TMEM116: variants seen among roughly 807,000 people sequenced by gnomAD.
TMEM116 encodes the protein transmembrane protein 116.
TMEM116 carries 38 observed loss-of-function variants against 44.3 expected under a neutral mutation model. The ratio of observed to expected loss-of-function variants is 0.86; its 90% CI spans 0.66 to 1.12. The LOEUF is 1.12. Among genes scored for constraint, TMEM116 ranks in the 50% most tolerant of loss-of-function variants. The pLI, the probability that TMEM116 is intolerant of heterozygous loss-of-function variation, is 0.00. For synonymous variants in TMEM116, 132 were observed against 144.8 expected, an observed-to-expected ratio of 0.91 and a Z score of 0.64; for missense variants, 354 against 401.7, an observed-to-expected ratio of 0.88 and a Z score of 1.01.
chr12:111,983,007 T>C (rs1193123360), intron 4 of TMEM116, among the ~76,000 whole-genome samples: 1 of 152,160 alleles, frequency 6.6e-6, no homozygotes, highest in Non-Finnish European at 1.5e-5. Context: ...TAGTTTAGGC[T>C]GGGCACAGTG....
chr12:111,964,412 A>C (rs1023798878), intron 4 of TMEM116, among the ~76,000 whole-genome samples: 4 of 151,450 alleles, frequency 2.6e-5, no homozygotes, highest in Non-Finnish European at 5.9e-5. Context: ...AATGCACTCC[A>C]GCCTGGCAAC....
chr12:111,938,588 C>T (rs2072379420), intron 5 of TMEM116, among the ~76,000 whole-genome samples: 2 of 152,146 alleles, frequency 1.3e-5, no homozygotes, highest in South Asian at 4.1e-4. Flanking sequence ...CTCTTAGACC[C>T]AGAGATGTGT....
At chr12:111,974,241 G>A (rs2075527702) in intron 4 of TMEM116, among the ~76,000 whole-genome samples, 2 of 152,056 alleles carry the variant, frequency 1.3e-5, no homozygotes, top group South Asian at 2.1e-4. Flanking sequence ...TAAGGTGAAA[G>A]ATGGAATGCT....
chr12:112,002,010 C>T (rs940868614), intron 3 of TMEM116, among the ~76,000 whole-genome samples: 1 of 152,146 alleles, frequency 6.6e-6, no homozygotes, highest in African/African-American at 2.4e-5. Context: ...GATTCAGTTT[C>T]CTTGTCTGCA....
intron 4 of TMEM116, among the ~76,000 whole-genome samples, chr12:111,986,788 A>G (rs1267447900): frequency 6.6e-6 from 1 of 151,918 alleles, no homozygotes; most frequent in Admixed American, 6.6e-5. Flanking sequence ...CAGCCTGGGT[A>G]ACAGAGCAAG....
At chr12:111,967,548 G>T (rs934097708) in intron 4 of TMEM116, among the ~76,000 whole-genome samples, 1 of 151,654 alleles carries the variant, frequency 6.6e-6, no homozygotes, top group Admixed American at 6.6e-5. Context: ...TGATCTCTGA[G>T]GCCTCCCAAT....
chr12:111,949,493 GAA>G (rs1473504062), intron 4 of TMEM116, among the ~76,000 whole-genome samples: 1 of 152,146 alleles, frequency 6.6e-6, no homozygotes, highest in African/African-American at 2.4e-5. Flanking sequence ...TTTTAAATCT[GAA>G]ATTACAGTGT....
At chr12:111,932,387 GAGGT>G (rs1323048612) in intron 10 of TMEM116, among the ~76,000 whole-genome samples, 195 bp downstream of exon 10, 2 of 152,194 alleles carry the variant, frequency 1.3e-5, no homozygotes, top group Non-Finnish European at 2.9e-5. Flanking sequence ...GGAATGCATG[GAGGT>G]ACTTTTACAA....
intron 4 of TMEM116, among the ~76,000 whole-genome samples, chr12:111,954,909 T>C (rs2073973264): frequency 1.3e-5 from 2 of 152,180 alleles, no homozygotes; most frequent in African/African-American, 2.4e-5. Flanking sequence ...CTGGTAAACA[T>C]AGATCAGTCA....
intron 4 of TMEM116, among the ~76,000 whole-genome samples, chr12:111,951,957 C>A (rs918704132): frequency 6.6e-6 from 1 of 151,678 alleles, no homozygotes; most frequent in Non-Finnish European, 1.5e-5. Context: ...TGGCCGGGTG[C>A]GGTGGCTCAT....
intron 4 of TMEM116, among the ~76,000 whole-genome samples, chr12:111,986,246 C>T (rs2136570367): frequency 6.6e-6 from 1 of 152,106 alleles, no homozygotes; most frequent in East Asian, 1.9e-4. Flanking sequence ...GTGGTCCTAG[C>T]TACTCAGAAG....
At chr12:111,947,976 CTTG>C (rs955783792) in intron 4 of TMEM116, among the ~76,000 whole-genome samples, 4 of 151,956 alleles carry the variant, frequency 2.6e-5, no homozygotes, top group Non-Finnish European at 4.4e-5. Flanking sequence ...TTTTTAAAAC[CTTG>C]TTGTTTTTTG....
rs200011351 is a variant in TMEM116 at position 111,970,586 on chromosome 12, G to GTT, written c.210+21170_210+21171dup. 4.9e-3 allele frequency among the ~76,000 whole-genome samples: 659 copies of GTT among 133,468 alleles called. 5 individuals carry two copies. The highest frequency in any genetic ancestry group is 0.017 in the African/African-American group (606 of 35,734). 87.6% of individuals were successfully genotyped at this position (133,468 alleles called of 152,430 possible). A position where few individuals can be genotyped will look rare whatever the true frequency, so the allele number is the denominator to read the frequency against. ...ATTAAGGCACTTCATAATCAAATGG[G>GTT]TTTTTTTTTTTTTTTTTTGAGACGG... On this transcript the variant is annotated intron_variant, in intron 4 of 10. Transcript: ENST00000552374.
intron 4 of TMEM116, among the ~76,000 whole-genome samples, chr12:111,971,663 G>A (rs1198315415): frequency 6.6e-6 from 1 of 152,154 alleles, no homozygotes; most frequent in African/African-American, 2.4e-5. Flanking sequence ...AGATTCAAGT[G>A]TAATTATATA....
At chr12:112,006,587 T>C (rs1683774664) in intron 1 of TMEM116, among the ~76,000 whole-genome samples, 1 of 152,228 alleles carries the variant, frequency 6.6e-6, no homozygotes, top group Admixed American at 6.5e-5. Context: ...AAGCAGTGTG[T>C]TATGGAAGAT....
chr12:111,938,230 G>A lies in TMEM116; in HGVS notation c.316-20C>T. On this transcript the variant is annotated intron_variant, in intron 5 of 10. Transcript: ENST00000552374. ...TATCACCTGTGAAAAGAATAAATGTGAGAAATGTCTTAAGACATTGTCAAT... is the reference window on the plus strand; with the variant it reads ...TATCACCTGTGAAAAGAATAAATGTAAGAAATGTCTTAAGACATTGTCAAT... 6.5e-7 allele frequency: 1 copy of A among 1,538,456 alleles called. No individual in the cohort carries two copies. Among genetic ancestry groups the A allele is most frequent in the Non-Finnish European group, 8.8e-7 (1 of 1,133,414 alleles).
chr12:111,961,183 T>C (rs1382163628), intron 4 of TMEM116, among the ~76,000 whole-genome samples: 1 of 152,178 alleles, frequency 6.6e-6, no homozygotes, highest in Non-Finnish European at 1.5e-5. Flanking sequence ...CAGTAATTAA[T>C]AGCCTACCAA....
intron 9 of TMEM116, among the ~76,000 whole-genome samples, chr12:111,933,327 C>T (rs922771177): frequency 1.3e-5 from 2 of 152,038 alleles, no homozygotes; most frequent in African/African-American, 4.8e-5. Flanking sequence ...CCAAGTCTGT[C>T]ACAATGTTTT....
At chr12:111,994,011 T>G (rs2076779906) in intron 3 of TMEM116, 1 of 568,588 alleles carries the variant, frequency 1.8e-6, no homozygotes, top group African/African-American at 1.9e-5. Context: ...TCCCTTGCCC[T>G]CCCCCAAGAT....
Sources: gnomAD v4.1 joint callset for allele counts (sites outside exome capture counted in the v4.1 genomes callset) on GRCh38, gnomAD v4.1.1 for gene constraint, MANE v1.5 for transcripts, NCBI Gene and HGNC (gene_info 2026-07-23, HGNC 2026-07-21) for gene names.